Variants in AVL9 observed in about 807,000 individuals in gnomAD.
AVL9 encodes AVL9 cell migration associated.
In AVL9, 49 loss-of-function variants were observed where a neutral mutation model predicts 79.2. The observed-to-expected ratio is 0.62, with a 90% CI of 0.49 to 0.79. The LOEUF (loss-of-function observed/expected upper bound fraction) is 0.79. Ranked by LOEUF, AVL9 falls within the 30% of genes least tolerant of loss-of-function variation. The pLI is 0.00. For synonymous variants in AVL9, 299 were observed against 280.6 expected, an observed-to-expected ratio of 1.07 and a Z score of -0.65; for missense variants, 682 against 776.8, an observed-to-expected ratio of 0.88 and a Z score of 1.45.
intron 2 of AVL9, among the ~76,000 whole-genome samples, chr7:32,543,485 C>A (rs998196004): frequency 6.6e-6 from 1 of 152,198 alleles, no homozygotes; most frequent in Non-Finnish European, 1.5e-5. Flanking sequence ...ACGCTTCTGC[C>A]AAGTGATTAG....
Position 32,573,200 on chromosome 7 carries a change from T to C in AVL9, c.1352T>C (p.Val451Ala), listed in dbSNP as rs1790936852. Reference sequence around the variant, plus strand: ...GACTTGTACCTGGATACCCTCTAGGTAGAAGAAGCTCTGATCCAGATCCAT... The same window carrying C: ...GACTTGTACCTGGATACCCTCTAGGCAGAAGAAGCTCTGATCCAGATCCAT... ...QKHLSDAIVEVEEALIQIHDP... is the reference protein window; with the variant it reads ...QKHLSDAIVEAEEALIQIHDP... Residue 451 changes from valine (V) to alanine (A), a missense_variant and splice_region_variant, in exon 12 of 16, where the codon GTA (valine) becomes GCA (alanine). Val to Ala is a moderately conservative substitution (Grantham distance 64). Transcript: ENST00000318709. 1 of 1,613,716 alleles carries C rather than the reference T, an allele frequency of 6.2e-7. No individual in the cohort carries two copies. The highest frequency in any genetic ancestry group is 8.5e-7 in the Non-Finnish European group (1 of 1,179,812).
chr7:32,557,243 G>A lies in AVL9; in HGVS notation c.610-1316G>A, dbSNP rs115719554. Among the ~76,000 whole-genome samples, 288 of 151,988 alleles carry A rather than the reference G, an allele frequency of 1.9e-3. 1 individual carries two copies. Among genetic ancestry groups the A allele is most frequent in the African/African-American group, 6.7e-3 (278 of 41,446 alleles). On this transcript the variant is annotated intron_variant, in intron 8 of 15. Coordinates refer to ENST00000318709, the MANE Select transcript of AVL9 (RefSeq NM_015060.3). ...TTTTTTATTTTAAAGAATAGAGATA[G>A]GGTCTCGCTGTGTTGCGCAGGCTGG...
At chr7:32,556,497 G>C (rs1790062817) in intron 8 of AVL9, among the ~76,000 whole-genome samples, 2 of 136,196 alleles carry the variant, frequency 1.5e-5, no homozygotes, top group Admixed American at 7.8e-5. Flanking sequence ...CTGGGTGACA[G>C]AGCGAGACTC....
chr7:32,501,188 T>C (rs989649747), intron 1 of AVL9, among the ~76,000 whole-genome samples: 1 of 152,186 alleles, frequency 6.6e-6, no homozygotes, highest in Non-Finnish European at 1.5e-5. Context: ...ACAACTATAC[T>C]CAAGCCCTGA....
At chr7:32,505,448 G>A (rs543319420) in intron 1 of AVL9, among the ~76,000 whole-genome samples, 49 of 151,662 alleles carry the variant, frequency 3.2e-4, no homozygotes, top group African/African-American at 1.0e-3. Flanking sequence ...ACTTGAAACC[G>A]GAAGGCGGAG....
intron 11 of AVL9, among the ~76,000 whole-genome samples, chr7:32,572,659 G>A (rs1407673474): frequency 7.3e-5 from 11 of 150,608 alleles, no homozygotes; most frequent in East Asian, 1.9e-4. Context: ...AAAATTAGCC[G>A]GGCGTGGTGG....
chr7:32,537,252 G>A (rs992497678), intron 1 of AVL9: 7 of 152,054 alleles, frequency 4.6e-5, no homozygotes, highest in Non-Finnish European at 8.8e-5. Context: ...AACAAAAGAT[G>A]CTCCTATTAC....
intron 1 of AVL9, among the ~76,000 whole-genome samples, chr7:32,502,404 A>C (rs898634520): frequency 6.8e-6 from 1 of 146,078 alleles, no homozygotes. Flanking sequence ...AAAAAAAAAA[A>C]AAAAAGAAAG....
intron 1 of AVL9, among the ~76,000 whole-genome samples, chr7:32,519,714 G>C (rs754573395): frequency 6.6e-6 from 1 of 152,062 alleles, no homozygotes; most frequent in South Asian, 2.1e-4. Flanking sequence ...TATTTCAGTC[G>C]TTTTAAATTA....
At position 32,495,531 on chromosome 7, in the gene AVL9, AGGGCGGCCGTGGCCCTGG is replaced by A. The variant is rs1786751663; in HGVS notation, c.-171_-154del. 1 of 394,376 alleles carries A rather than the reference AGGGCGGCCGTGGCCCTGG, an allele frequency of 2.5e-6. No homozygotes were observed. Among genetic ancestry groups the A allele is most frequent in the Admixed American group, 4.5e-5 (1 of 22,238 alleles). The allele number at this position is 394,376 out of a possible 1,614,324, so 24.4% of individuals were successfully genotyped here. A position where few individuals can be genotyped will look rare whatever the true frequency, so the allele number is the denominator to read the frequency against. On this transcript the variant is annotated 5_prime_UTR_variant, in exon 1 of 16. Transcript: ENST00000318709. ...GGAAGCTGCGGAAGCGGATGAGGGA[AGGGCGGCCGTGGCCCTGG>A]GGGCGGCGGGAGCTGCTTTGCCTCC...
intron 13 of AVL9, 42 bp downstream of exon 13, chr7:32,576,114 G>A: frequency 7.5e-7 from 1 of 1,328,868 alleles, no homozygotes; most frequent in Non-Finnish European, 1.1e-6. Context: ...TAAATGGTTG[G>A]TTTACGAGTG....
chr7:32,523,584 T>C (rs1011868627), intron 1 of AVL9, among the ~76,000 whole-genome samples: 20 of 145,202 alleles, frequency 1.4e-4, no homozygotes, highest in African/African-American at 3.5e-4. Context: ...GGTGCAGTCT[T>C]GGCTCACTGC....
At chr7:32,579,075 G>C (rs964026592) in intron 13 of AVL9, among the ~76,000 whole-genome samples, 4 of 151,020 alleles carry the variant, frequency 2.6e-5, no homozygotes, top group African/African-American at 9.7e-5. Context: ...ACTTACTTTG[G>C]GCCATGAAGA....
intron 1 of AVL9, chr7:32,533,830 T>C (rs1283124850): frequency 6.6e-6 from 1 of 152,206 alleles, no homozygotes; most frequent in Non-Finnish European, 1.5e-5. Flanking sequence ...GTGGTTAATG[T>C]GTGTGCTAAT....
At chr7:32,580,559 C>G (rs1484932040) in intron 14 of AVL9, among the ~76,000 whole-genome samples, 1 of 152,174 alleles carries the variant, frequency 6.6e-6, no homozygotes, top group East Asian at 1.9e-4. Flanking sequence ...TACATACATC[C>G]TTATGTCCTC....
At chr7:32,565,531 C>T (rs1790522676) in intron 10 of AVL9, among the ~76,000 whole-genome samples, 2 of 146,142 alleles carry the variant, frequency 1.4e-5, no homozygotes, top group Admixed American at 1.4e-4. Context: ...TGCACTCCAG[C>T]CAGGGCAACA....
At chr7:32,543,356 A>G (rs1789305436) in intron 2 of AVL9, 95 bp downstream of exon 2, 1 of 1,410,172 alleles carries the variant, frequency 7.1e-7, no homozygotes. Flanking sequence ...AAAGGCCTTC[A>G]GCCTGTTAGA....
intron 4 of AVL9, among the ~76,000 whole-genome samples, chr7:32,549,211 TTATATATATA>T (rs3079798): frequency 7.0e-6 from 1 of 142,438 alleles, no homozygotes. Flanking sequence ...AAAAAAAATT[TTATATATATA>T]TATATATAAT....
intron 1 of AVL9, among the ~76,000 whole-genome samples, chr7:32,542,479 A>C (rs554725912): frequency 6.6e-6 from 1 of 151,986 alleles, no homozygotes; most frequent in Admixed American, 6.6e-5. Context: ...TTGCTTGAGC[A>C]TGGGAGACAG....
Sources: allele counts gnomAD v4.1 joint callset (sites outside exome capture counted in the v4.1 genomes callset), GRCh38; gene constraint gnomAD v4.1.1; transcripts MANE v1.5; gene names NCBI Gene and HGNC (gene_info 2026-07-23, HGNC 2026-07-21).